Variants in ADAM19 observed in about 807,000 individuals in gnomAD.
The protein encoded by ADAM19 is disintegrin and metalloproteinase domain-containing protein 19.
In ADAM19, 65 loss-of-function variants were observed where a neutral mutation model predicts 114.7. The observed-to-expected ratio is 0.57, with a 90% CI of 0.46 to 0.70. ADAM19 has a LOEUF of 0.70. Among genes scored for constraint, ADAM19 ranks in the 30% least tolerant of loss-of-function variants. The probability of loss-of-function intolerance (pLI) is 0.00; values close to 1 mark genes in which losing one functional copy is unlikely to be tolerated. For missense variants in ADAM19, 1,063 were observed against 1,204.7 expected (o/e 0.88, Z 1.74); for synonymous variants, 466 against 460.5 (o/e 1.01, Z -0.15).
chr5:157,567,911 T>G (rs1757712040), intron 2 of ADAM19: 1 of 151,734 alleles, frequency 6.6e-6, no homozygotes, highest in East Asian at 1.9e-4. Context: ...AGAAAATGAA[T>G]ACTGCCCCAA....
chr5:157,500,901 G>T (rs1201969900), intron 12 of ADAM19, among the ~76,000 whole-genome samples: 1 of 152,186 alleles, frequency 6.6e-6, no homozygotes, highest in East Asian at 1.9e-4. Flanking sequence ...ACAGCCTTAT[G>T]AGGCAGCCTT....
At position 157,479,786 on chromosome 5, in the gene ADAM19, C is replaced by G; in HGVS notation, c.*1163G>C. The G allele has an allele frequency of 2.0e-6, 2 of 985,676 alleles. No homozygotes were observed. Among genetic ancestry groups the G allele is most frequent in the Non-Finnish European group, 2.4e-6 (2 of 830,076 alleles). 61.1% of individuals were successfully genotyped at this position (985,676 alleles called of 1,614,324 possible). On this transcript the variant is annotated 3_prime_UTR_variant, in exon 23 of 23. Coordinates refer to ENST00000257527, the MANE Select transcript of ADAM19 (RefSeq NM_033274.5). ...CAGCTCCCAGAAATGGGTCTGTTCT[C>G]TGCTCAGAGGGCAACGGTCCAGCCC...
intron 3 of ADAM19, among the ~76,000 whole-genome samples, chr5:157,551,697 T>C (rs999156776): frequency 2.0e-5 from 3 of 151,168 alleles, no homozygotes; most frequent in Non-Finnish European, 4.4e-5. Context: ...AACAAGACTA[T>C]ATAAGGAGCT....
chr5:157,567,342 CT>C (rs1273658236), intron 2 of ADAM19, among the ~76,000 whole-genome samples: 3 of 152,218 alleles, frequency 2.0e-5, no homozygotes, highest in African/African-American at 7.2e-5. Flanking sequence ...TGACCAATAA[CT>C]TTCACTAAGA....
chr5:157,564,285 C>T, intron 3 of ADAM19, 88 bp downstream of exon 3: 1 of 1,264,096 alleles, frequency 7.9e-7, no homozygotes, highest in South Asian at 1.2e-5. Context: ...ACTCCATTGA[C>T]TGCTTCCTTC....
intron 13 of ADAM19, among the ~76,000 whole-genome samples, chr5:157,498,731 T>G (rs1032527941): frequency 2.7e-5 from 4 of 150,520 alleles, no homozygotes; most frequent in Non-Finnish European, 5.9e-5. Context: ...TAATTACATA[T>G]GTCCGCATAT....
chr5:157,507,287 C>T (rs1225862608), intron 9 of ADAM19, 147 bp from the exon 10 acceptor site: 7 of 687,882 alleles, frequency 1.0e-5, no homozygotes, highest in Non-Finnish European at 1.3e-5. Flanking sequence ...TGTAACCAGG[C>T]CAACTGGACA....
intron 4 of ADAM19, among the ~76,000 whole-genome samples, chr5:157,533,063 C>T (rs1756668625): frequency 6.6e-6 from 1 of 152,226 alleles, no homozygotes; most frequent in Non-Finnish European, 1.5e-5. Flanking sequence ...CACCAAGAGG[C>T]TGAATCCAAA....
chr5:157,515,468 C>T (rs1414778806), intron 7 of ADAM19, among the ~76,000 whole-genome samples: 2 of 152,200 alleles, frequency 1.3e-5, no homozygotes, highest in South Asian at 2.1e-4. Context: ...TTAGGCTTTG[C>T]GGCCCCATAG....
At chr5:157,484,793 G>C (rs1393656711) in intron 21 of ADAM19, among the ~76,000 whole-genome samples, 1 of 152,244 alleles carries the variant, frequency 6.6e-6, no homozygotes, top group East Asian at 1.9e-4. Flanking sequence ...TTCTGGGGCA[G>C]GTGACAGCTG....
Position 157,499,577 on chromosome 5 carries a change from C to T in ADAM19, c.1394G>A (p.Cys465Tyr), listed in dbSNP as rs1755484516. The change falls in exon 13 of 23, where the codon TGT becomes TAT. Residue 465 changes from cysteine to tyrosine, a missense_variant. Coordinates refer to ENST00000257527, the MANE Select transcript of ADAM19 (RefSeq NM_033274.5). The part of the protein sequence containing the change: ...ECAHGSCCHQ[C>Y]KLLAPGTLCR... ...GTGGAGAAAAGGGCCACTTACCTTA[C>T]ACTGGTGGCAGCAGGAGCCGTGAGC... The T allele has an allele frequency of 6.2e-7, 1 of 1,612,782 alleles. No individual in the cohort carries two copies.
In ADAM19 at chr5:157,478,769, A is replaced by G; in HGVS notation, c.*2180T>C. Reference sequence around the variant, plus strand: ...GAGGTGATATGAAAATAATAAAACAAAACAAAACAAAAAGCAAGAAAACGA... The same window carrying G: ...GAGGTGATATGAAAATAATAAAACAGAACAAAACAAAAAGCAAGAAAACGA... On this transcript the variant is annotated 3_prime_UTR_variant, in exon 23 of 23. Transcript: ENST00000257527. 1 of 985,900 alleles carries G rather than the reference A, an allele frequency of 1.0e-6. No individual in the cohort carries two copies. The highest frequency in any genetic ancestry group is 1.2e-6 in the Non-Finnish European group (1 of 829,940). The allele number at this position is 985,900 out of a possible 1,614,324, so 61.1% of individuals were successfully genotyped here.
chr5:157,574,345 C>T (rs1311434026), intron 1 of ADAM19, among the ~76,000 whole-genome samples: 1 of 152,172 alleles, frequency 6.6e-6, no homozygotes. Flanking sequence ...TCATGCTTTT[C>T]TCCTGCACTA....
chr5:157,505,721 A>C lies in ADAM19; in HGVS notation c.1078T>G (p.Cys360Gly). ...CCATCAGCCGCACTGGCCGAGCAGC[A>C]ATCTGCAGAATCATGGGTCATGCCA... Reference protein sequence around the residue: ...NFGMTHDSADCCSASAADGGC... With the variant: ...NFGMTHDSADGCSASAADGGC... The change falls in exon 11 of 23, where the codon TGC becomes GGC. Residue 360 changes from cysteine (C) to glycine (G), a missense_variant. By Grantham distance (159) the Cys-to-Gly change is radical. Coordinates refer to ENST00000257527, the MANE Select transcript of ADAM19 (RefSeq NM_033274.5). 1 of 1,614,132 alleles carries C rather than the reference A, an allele frequency of 6.2e-7. No individual in the cohort carries two copies.
intron 3 of ADAM19, among the ~76,000 whole-genome samples, chr5:157,556,751 G>A (rs1053874022): frequency 6.6e-6 from 1 of 152,204 alleles, no homozygotes; most frequent in Non-Finnish European, 1.5e-5. Flanking sequence ...AACTCCTCAT[G>A]CTTGAGTTTC....
At position 157,490,431 on chromosome 5, in the gene ADAM19, C is replaced by T; in HGVS notation, c.2119G>A (p.Val707Met). Residue 707 changes from valine to methionine, a missense_variant, in exon 19 of 23, where the codon GTG (valine) becomes ATG (methionine). Physicochemically the swap from Val to Met is conservative, Grantham distance 21. Coordinates refer to ENST00000257527, the MANE Select transcript of ADAM19 (RefSeq NM_033274.5). ...GCCAGCACCAAGATGGCCACCAACA[C>T]TCCAGCTACCACAGGACCCACACCT... Reference protein sequence around the residue: ...PESVGPVVAGVLVAILVLAVL... With the variant: ...PESVGPVVAGMLVAILVLAVL... 1 of 1,614,120 alleles carries T rather than the reference C, an allele frequency of 6.2e-7. No individual in the cohort carries two copies.
chr5:157,491,479 CTTTATCCTGA>C, intron 18 of ADAM19, 126 bp downstream of exon 18: 1 of 663,524 alleles, frequency 1.5e-6, no homozygotes, highest in Non-Finnish European at 2.5e-6. Context: ...CTTGGTCTGT[CTTTATCCTGA>C]TTTCCTCTCT....
At chr5:157,550,501 T>A (rs549803578) in intron 3 of ADAM19, among the ~76,000 whole-genome samples, 1 of 152,268 alleles carries the variant, frequency 6.6e-6, no homozygotes, top group South Asian at 2.1e-4. Context: ...CATATGAGTT[T>A]GGGGGGACAC....
chr5:157,485,362 T>A (rs1754899768), intron 21 of ADAM19, among the ~76,000 whole-genome samples: 1 of 152,194 alleles, frequency 6.6e-6, no homozygotes, highest in Non-Finnish European at 1.5e-5. Flanking sequence ...ACTAGATGAA[T>A]TATCACAACG....
Sources: allele counts gnomAD v4.1 joint callset (sites outside exome capture counted in the v4.1 genomes callset), GRCh38; gene constraint gnomAD v4.1.1; transcripts MANE v1.5; gene names NCBI Gene and HGNC (gene_info 2026-07-23, HGNC 2026-07-21).